Variants in OR1K1 observed in about 807,000 individuals in gnomAD.
OR1K1 encodes olfactory receptor 1K1.
For synonymous variants in OR1K1, 168 were observed against 178.2 expected (o/e 0.94, Z 0.46); for missense variants, 409 against 407.9 (o/e 1.00, Z -0.02).
rs144360987 is a variant in OR1K1, at chr9:122,800,999, C to A, written c.877C>A (p.Leu293Ile). 4.7e-5 allele frequency: 76 copies of A among 1,614,108 alleles called. No individual in the cohort carries two copies. In the African/African-American group the frequency reaches 9.2e-4, roughly 20 times the overall value. ...CATGCTGAACCCCATCATCTACAGC[C>A]TCTGGAATCGCGATGTACAGGGGGC... is the stretch of plus-strand genomic sequence containing the variant. Reference protein sequence around the residue: ...TPMLNPIIYSLWNRDVQGALR... With the variant: ...TPMLNPIIYSIWNRDVQGALR... The change falls in exon 1 of 1, where the codon CTC becomes ATC. Residue 293 changes from leucine (L) to isoleucine (I), a missense_variant. Coordinates refer to ENST00000277309, the MANE Select transcript of OR1K1 (RefSeq NM_080859.1).
rs1829359878 is a variant in OR1K1, at chr9:122,800,997, G to A, written c.875G>A (p.Ser292Asn). 1 of 1,614,068 alleles carries A rather than the reference G, an allele frequency of 6.2e-7. No homozygotes were observed. Among genetic ancestry groups the A allele is most frequent in the East Asian group, 2.2e-5 (1 of 44,872 alleles). ...VTPMLNPIIY[S>N]LWNRDVQGAL... ...CCCATGCTGAACCCCATCATCTACA[G>A]CCTCTGGAATCGCGATGTACAGGGG... is the stretch of plus-strand genomic sequence containing the variant. Residue 292 changes from serine to asparagine, a missense_variant, in exon 1 of 1, where the codon AGC (serine) becomes AAC (asparagine). Physicochemically the swap from Ser to Asn is conservative, Grantham distance 46 (BLOSUM62 1). Coordinates refer to ENST00000277309, the MANE Select transcript of OR1K1 (RefSeq NM_080859.1).
Position 122,800,410 on chromosome 9 carries a change from T to C in OR1K1, c.288T>C (p.Ala96=). 2.5e-6 allele frequency: 4 copies of C among 1,613,720 alleles called. No individual in the cohort carries two copies. Among genetic ancestry groups the C allele is most frequent in the Non-Finnish European group, 3.4e-6 (4 of 1,180,034 alleles). ...LLAHDHSISL[A]GCLTQMYFFF... is the part of the protein sequence containing the mutation. ...CCCATGACCACTCCATCTCGCTGGC[T>C]GGCTGCCTGACCCAAATGTACTTCT... Residue 96 remains alanine, a synonymous_variant, in exon 1 of 1, where the codon GCT becomes GCC. Transcript: ENST00000277309.
chr9:122,800,616 C>G lies in OR1K1; in HGVS notation c.494C>G (p.Ala165Gly). ...TCCCTCCTGTATATCCTGCTCATGG[C>G]TCGCTTGTCCTTCTGTGCTTCCCAC... ...VHSLLYILLM[A>G]RLSFCASHQV... is the part of the protein sequence containing the mutation. Residue 165 changes from alanine (A) to glycine (G), a missense_variant, in exon 1 of 1, where the codon GCT becomes GGT. By Grantham distance (60) the Ala-to-Gly change is moderately conservative (BLOSUM62 0). Transcript: ENST00000277309. 1 of 1,613,986 alleles carries G rather than the reference C, an allele frequency of 6.2e-7. No homozygotes were observed. The highest frequency in any genetic ancestry group is 2.2e-5 in the East Asian group (1 of 44,874).
In OR1K1 at chr9:122,800,372, G is replaced by T. The variant is rs55961642; in HGVS notation, c.250G>T (p.Ala84Ser). The change falls in exon 1 of 1, where the codon GCC becomes TCC. Residue 84 changes from alanine (A) to serine (S), a missense_variant. By Grantham distance (99) the Ala-to-Ser change is moderately conservative (BLOSUM62 1). Coordinates refer to ENST00000277309, the MANE Select transcript of OR1K1 (RefSeq NM_080859.1). ...CTCCGTCACTGTGCCCAAGATGTTG[G>T]CCAACTTGTTGGCCCATGACCACTC... Reference protein sequence around the residue: ...FASVTVPKMLANLLAHDHSIS... With the variant: ...FASVTVPKMLSNLLAHDHSIS... The T allele has an allele frequency of 6.2e-7, 1 of 1,614,102 alleles. No homozygotes were observed. The highest frequency in any genetic ancestry group is 1.1e-5 in the South Asian group (1 of 91,078).
rs144743444 is a variant in OR1K1 at position 122,800,401 on chromosome 9, C to G, written c.279C>G (p.Ile93Met). Residue 93 changes from isoleucine (I) to methionine (M), a missense_variant, in exon 1 of 1, where the codon ATC (isoleucine) becomes ATG (methionine). By Grantham distance (10) the Ile-to-Met change is conservative. Transcript: ENST00000277309. ...ACTTGTTGGCCCATGACCACTCCATCTCGCTGGCTGGCTGCCTGACCCAAA... is the reference window on the plus strand; with the variant it reads ...ACTTGTTGGCCCATGACCACTCCATGTCGCTGGCTGGCTGCCTGACCCAAA... ...LANLLAHDHSISLAGCLTQMY... is the reference protein window; with the variant it reads ...LANLLAHDHSMSLAGCLTQMY... 2 of 1,613,982 alleles carry G rather than the reference C, an allele frequency of 1.2e-6. No homozygotes were observed. The highest frequency in any genetic ancestry group is 8.5e-7 in the Non-Finnish European group (1 of 1,180,036).
At position 122,800,741 on chromosome 9, in the gene OR1K1, G is replaced by A; in HGVS notation, c.619G>A (p.Val207Met). The A allele has an allele frequency of 1.9e-6, 3 of 1,614,092 alleles. No homozygotes were observed. Among genetic ancestry groups the A allele is most frequent in the East Asian group, 2.2e-5 (1 of 44,888 alleles). The change falls in exon 1 of 1, where the codon GTG becomes ATG. Residue 207 changes from valine (V) to methionine (M), a missense_variant. Physicochemically the swap from Val to Met is conservative, Grantham distance 21. Transcript: ENST00000277309. ...QLLIFTEGAAVVVTPFLLILA... is the reference protein window; with the variant it reads ...QLLIFTEGAAMVVTPFLLILA... Reference sequence around the variant, plus strand: ...GCTCATCTTCACCGAGGGCGCCGCAGTGGTGGTCACTCCCTTCCTGCTCAT... The same window carrying A: ...GCTCATCTTCACCGAGGGCGCCGCAATGGTGGTCACTCCCTTCCTGCTCAT...
rs140206882 is a variant in OR1K1, at chr9:122,800,469, T to C, written c.347T>C (p.Leu116Pro). Reference sequence around the variant, plus strand: ...CTGGGGGTAACTGATAGCTGTCTTCTGGCGGCCATGGCCTATGACTGCTAC... The same window carrying C: ...CTGGGGGTAACTGATAGCTGTCTTCCGGCGGCCATGGCCTATGACTGCTAC... ...FALGVTDSCL[L>P]AAMAYDCYVA... is the part of the protein sequence containing the mutation. The change falls in exon 1 of 1, where the codon CTG becomes CCG. Residue 116 changes from leucine (L) to proline (P), a missense_variant. Coordinates refer to ENST00000277309, the MANE Select transcript of OR1K1 (RefSeq NM_080859.1). 4.6e-5 allele frequency: 74 copies of C among 1,611,724 alleles called. No homozygotes were observed. The Middle Eastern group carries it at 9.9e-4, about 22-fold the overall frequency.
rs149288588 is a variant in OR1K1, at chr9:122,800,384, G to A, written c.262G>A (p.Ala88Thr). Residue 88 changes from alanine to threonine, a missense_variant, in exon 1 of 1, where the codon GCC becomes ACC. By Grantham distance (58) the Ala-to-Thr change is moderately conservative (BLOSUM62 0). Transcript: ENST00000277309. ...TVPKMLANLL[A>T]HDHSISLAGC... is the part of the protein sequence containing the mutation. ...GCCCAAGATGTTGGCCAACTTGTTGGCCCATGACCACTCCATCTCGCTGGC... is the reference window on the plus strand; with the variant it reads ...GCCCAAGATGTTGGCCAACTTGTTGACCCATGACCACTCCATCTCGCTGGC... The A allele has an allele frequency of 5.8e-5, 94 of 1,614,010 alleles. No individual in the cohort carries two copies. The Middle Eastern group carries it at 2.0e-3, about 34-fold the overall frequency.
Position 122,800,733 on chromosome 9 carries a change from G to A in OR1K1, c.611G>A (p.Gly204Asp), listed in dbSNP as rs202182304. 1 of 1,614,046 alleles carries A rather than the reference G, an allele frequency of 6.2e-7. No homozygotes were observed. The highest frequency in any genetic ancestry group is 1.7e-5 in the Admixed American group (1 of 60,024). ...ATCCAGCTGCTCATCTTCACCGAGG[G>A]CGCCGCAGTGGTGGTCACTCCCTTC... ...HHIQLLIFTE[G>D]AAVVVTPFLL... The change falls in exon 1 of 1, where the codon GGC becomes GAC. Residue 204 changes from glycine to aspartate, a missense_variant. Gly to Asp is a moderately conservative substitution (Grantham distance 94). Transcript: ENST00000277309.
rs755966058 is a variant in OR1K1 at position 122,800,181 on chromosome 9, C to G, written c.59C>G (p.Thr20Arg). 1.2e-6 allele frequency: 2 copies of G among 1,614,108 alleles called. No homozygotes were observed. The highest frequency in any genetic ancestry group is 2.2e-5 in the East Asian group (1 of 44,880). ...GISFVLLGLT[T>R]SPGQQRPLFV... is the part of the protein sequence containing the mutation. ...TCATTCGTTTTATTGGGACTGACAA[C>G]AAGTCCTGGACAGCAGCGGCCTCTC... Residue 20 changes from threonine to arginine, a missense_variant, in exon 1 of 1, where the codon ACA becomes AGA. By Grantham distance (71) the Thr-to-Arg change is moderately conservative (BLOSUM62 -1). Coordinates refer to ENST00000277309, the MANE Select transcript of OR1K1 (RefSeq NM_080859.1).
In OR1K1 at chr9:122,800,349, C is replaced by T; in HGVS notation, c.227C>T (p.Ser76Phe). ...HLSFADLCFA[S>F]VTVPKMLANL... ...TCCTTTGCTGACCTCTGCTTCGCCTCCGTCACTGTGCCCAAGATGTTGGCC... is the reference window on the plus strand; with the variant it reads ...TCCTTTGCTGACCTCTGCTTCGCCTTCGTCACTGTGCCCAAGATGTTGGCC... The change falls in exon 1 of 1, where the codon TCC (serine) becomes TTC (phenylalanine). Residue 76 changes from serine to phenylalanine, a missense_variant. Transcript: ENST00000277309. The T allele has an allele frequency of 6.2e-7, 1 of 1,614,232 alleles. No homozygotes were observed. Among genetic ancestry groups the T allele is most frequent in the African/African-American group, 1.3e-5 (1 of 75,066 alleles).
rs775486882 is a variant in OR1K1, at chr9:122,800,345, G to A, written c.223G>A (p.Ala75Thr). 2.7e-5 allele frequency: 43 copies of A among 1,613,976 alleles called. No homozygotes were observed. Among genetic ancestry groups the A allele is most frequent in the African/African-American group, 1.2e-4 (9 of 74,880 alleles). Reference sequence around the variant, plus strand: ...CCTGTCCTTTGCTGACCTCTGCTTCGCCTCCGTCACTGTGCCCAAGATGTT... The same window carrying A: ...CCTGTCCTTTGCTGACCTCTGCTTCACCTCCGTCACTGTGCCCAAGATGTT... ...AHLSFADLCFASVTVPKMLAN... is the reference protein window; with the variant it reads ...AHLSFADLCFTSVTVPKMLAN... Residue 75 changes from alanine (A) to threonine (T), a missense_variant, in exon 1 of 1, where the codon GCC becomes ACC. Transcript: ENST00000277309.
In OR1K1 at chr9:122,800,267, G is replaced by A. The variant is rs757045181; in HGVS notation, c.145G>A (p.Ala49Thr). The A allele has an allele frequency of 6.2e-7, 1 of 1,614,192 alleles. No individual in the cohort carries two copies. The highest frequency in any genetic ancestry group is 1.7e-5 in the Admixed American group (1 of 60,024). Reference protein sequence around the residue: ...SLLGNGLIVAAIQASPALHAP... With the variant: ...SLLGNGLIVATIQASPALHAP... ...CCTGGGTAATGGACTCATTGTGGCT[G>A]CCATCCAGGCCAGTCCAGCCCTTCA... The change falls in exon 1 of 1, where the codon GCC (alanine) becomes ACC (threonine). Residue 49 changes from alanine (A) to threonine (T), a missense_variant. Coordinates refer to ENST00000277309, the MANE Select transcript of OR1K1 (RefSeq NM_080859.1).
At position 122,800,307 on chromosome 9, in the gene OR1K1, T is replaced by A; in HGVS notation, c.185T>A (p.Phe62Tyr). 3 of 1,614,192 alleles carry A rather than the reference T, an allele frequency of 1.9e-6. No individual in the cohort carries two copies. The highest frequency in any genetic ancestry group is 2.5e-6 in the Non-Finnish European group (3 of 1,180,026). The change falls in exon 1 of 1, where the codon TTC becomes TAC. Residue 62 changes from phenylalanine to tyrosine, a missense_variant. By Grantham distance (22) the Phe-to-Tyr change is conservative (BLOSUM62 3). Transcript: ENST00000277309. Reference sequence around the variant, plus strand: ...CCAGCCCTTCATGCACCCATGTACTTCCTGCTGGCCCACCTGTCCTTTGCT... The same window carrying A: ...CCAGCCCTTCATGCACCCATGTACTACCTGCTGGCCCACCTGTCCTTTGCT... ...ASPALHAPMY[F>Y]LLAHLSFADL... is the part of the protein sequence containing the mutation.
chr9:122,800,922 G>T lies in OR1K1; in HGVS notation c.800G>T (p.Arg267Leu). ...GTCTACTTCCAGGCCACATCCCGAC[G>T]CGAGGCAGAGTGGGGCCGTGTGGCC... is the stretch of plus-strand genomic sequence containing the variant. ...IAVYFQATSR[R>L]EAEWGRVATV... The change falls in exon 1 of 1, where the codon CGC becomes CTC. Residue 267 changes from arginine to leucine, a missense_variant. By Grantham distance (102) the Arg-to-Leu change is moderately radical. Transcript: ENST00000277309. The T allele has an allele frequency of 6.2e-7, 1 of 1,614,190 alleles. No individual in the cohort carries two copies.
chr9:122,800,513 CT>C lies in OR1K1; in HGVS notation c.392del (p.Leu131ProfsTer56). 6.2e-7 allele frequency: 1 copy of C among 1,611,944 alleles called. No homozygotes were observed. Among genetic ancestry groups the C allele is most frequent in the Non-Finnish European group, 8.5e-7 (1 of 1,179,994 alleles). On this transcript the variant is annotated frameshift_variant, in exon 1 of 1. Transcript: ENST00000277309. LOFTEE classifies it low-confidence loss of function (END_TRUNC). ...YDCYVAIRHP[L>X]PYATRMSRAM... Reference sequence around the variant, plus strand: ...CTGCTACGTGGCCATCCGGCACCCCCTCCCCTATGCCACGAGGATGTCCCGG... The same window carrying C: ...CTGCTACGTGGCCATCCGGCACCCCCCCCCTATGCCACGAGGATGTCCCGG...
At position 122,801,055 on chromosome 9, in the gene OR1K1, C is replaced by G; in HGVS notation, c.933C>G (p.Ile311Met). The change falls in exon 1 of 1, where the codon ATC (isoleucine) becomes ATG (methionine). Residue 311 changes from isoleucine to methionine, a missense_variant. Transcript: ENST00000277309. ...ALRALLIGRR[I>M]SASDS ...GAGCCCTTCTCATTGGGCGAAGGAT[C>G]TCAGCTAGTGACTCCTGAGGGCAGG... is the stretch of plus-strand genomic sequence containing the variant. 2 of 1,607,092 alleles carry G rather than the reference C, an allele frequency of 1.2e-6. No homozygotes were observed. Among genetic ancestry groups the G allele is most frequent in the African/African-American group, 1.3e-5 (1 of 75,000 alleles).
chr9:122,800,363 A>G lies in OR1K1; in HGVS notation c.241A>G (p.Lys81Glu), dbSNP rs921164678. The change falls in exon 1 of 1, where the codon AAG becomes GAG. Residue 81 changes from lysine to glutamate, a missense_variant. Physicochemically the swap from Lys to Glu is moderately conservative, Grantham distance 56 (BLOSUM62 1). Coordinates refer to ENST00000277309, the MANE Select transcript of OR1K1 (RefSeq NM_080859.1). ...DLCFASVTVPKMLANLLAHDH... is the reference protein window; with the variant it reads ...DLCFASVTVPEMLANLLAHDH... Reference sequence around the variant, plus strand: ...CTGCTTCGCCTCCGTCACTGTGCCCAAGATGTTGGCCAACTTGTTGGCCCA... The same window carrying G: ...CTGCTTCGCCTCCGTCACTGTGCCCGAGATGTTGGCCAACTTGTTGGCCCA... 4 of 1,613,978 alleles carry G rather than the reference A, an allele frequency of 2.5e-6. No homozygotes were observed. The African/African-American group carries it at 5.3e-5, about 22-fold the overall frequency.
chr9:122,800,585 G>T lies in OR1K1; in HGVS notation c.463G>T (p.Val155Phe), dbSNP rs200621911. Residue 155 changes from valine (V) to phenylalanine (F), a missense_variant, in exon 1 of 1, where the codon GTC becomes TTC. Val to Phe is a conservative substitution (Grantham distance 50, BLOSUM62 -1). Coordinates refer to ENST00000277309, the MANE Select transcript of OR1K1 (RefSeq NM_080859.1). Reference sequence around the variant, plus strand: ...GGGAATGGCATGGCTGGTGTCCCACGTCCACTCCCTCCTGTATATCCTGCT... The same window carrying T: ...GGGAATGGCATGGCTGGTGTCCCACTTCCACTCCCTCCTGTATATCCTGCT... ...LVGMAWLVSHVHSLLYILLMA... is the reference protein window; with the variant it reads ...LVGMAWLVSHFHSLLYILLMA... The T allele has an allele frequency of 1.7e-5, 28 of 1,613,636 alleles. No homozygotes were observed. Among genetic ancestry groups the T allele is most frequent in the Non-Finnish European group, 2.2e-5 (26 of 1,180,032 alleles).
Sources: gnomAD v4.1 joint callset for allele counts on GRCh38, gnomAD v4.1.1 for gene constraint, MANE v1.5 for transcripts, NCBI Gene and HGNC (gene_info 2026-07-23, HGNC 2026-07-21) for gene names.